The following IL1RAPL2 variants were observed in gnomAD, a reference collection of about 807,000 sequenced individuals.
IL1RAPL2 encodes X-linked interleukin-1 receptor accessory protein-like 2.
IL1RAPL2 carries 3 observed loss-of-function variants against 44.1 expected under a neutral mutation model. That is an observed-to-expected ratio of 0.07 (90% confidence interval 0.03 to 0.18). IL1RAPL2 has a LOEUF of 0.18. IL1RAPL2 is among the 10% of genes least tolerant of loss of function. The pLI is 1.00. For synonymous variants in IL1RAPL2, 181 were observed against 178.8 expected, an observed-to-expected ratio of 1.01 and a Z score of -0.10; for missense variants, 391 against 496.4, an observed-to-expected ratio of 0.79 and a Z score of 2.02.
At chrX:105,048,778 A>G (rs2031876637) in intron 2 of IL1RAPL2, among the ~76,000 whole-genome samples, 1 of 111,812 alleles carries the variant, frequency 8.9e-6, no homozygotes, top group Admixed American at 9.5e-5. Flanking sequence ...AACACCGTCA[A>G]CACTAGCAAC....
chrX:105,459,622 C>A (rs978041795), intron 5 of IL1RAPL2, among the ~76,000 whole-genome samples: 2 of 111,201 alleles, frequency 1.8e-5, no homozygotes, highest in Admixed American at 1.9e-4. Flanking sequence ...AGAGACAAAA[C>A]AGGTTGCTAT....
At chrX:105,062,330 T>A (rs1299656896) in intron 2 of IL1RAPL2, among the ~76,000 whole-genome samples, 1 of 112,098 alleles carries the variant, frequency 8.9e-6, no homozygotes, top group Non-Finnish European at 1.9e-5. Context: ...ACTCTACACC[T>A]TTTTTGTCCT....
At chrX:104,633,224 G>A (rs1929696830) in intron 1 of IL1RAPL2, among the ~76,000 whole-genome samples, 1 of 111,670 alleles carries the variant, frequency 9.0e-6, no homozygotes, top group African/African-American at 3.3e-5. Context: ...TTTTTGATAT[G>A]CTGCTGGATT....
chrX:105,489,795 C>T (rs1489027235), intron 6 of IL1RAPL2, among the ~76,000 whole-genome samples: 95 of 96,738 alleles, frequency 9.8e-4, no homozygotes, highest in Middle Eastern at 5.4e-3. Flanking sequence ...CTTTCTCTCT[C>T]TCTCTCTCTC....
chrX:104,634,771 C>A lies in IL1RAPL2; in HGVS notation c.-19-24124C>A, dbSNP rs1467823661. Among the ~76,000 whole-genome samples the A allele has an allele frequency of 5.4e-5, 6 of 111,439 alleles. 1 individual carries two copies. The South Asian group carries it at 1.1e-3, about 21-fold the overall frequency. ...ATGAGATGGATTTCCTAAATACAGC[C>A]CACTGATGGGTCTTGACTCTATCCA... is the stretch of plus-strand genomic sequence containing the variant. On this transcript the variant is annotated intron_variant, in intron 1 of 10. Coordinates refer to ENST00000372582, the MANE Select transcript of IL1RAPL2 (RefSeq NM_017416.2).
At chrX:105,411,305 G>A (rs930066867) in intron 5 of IL1RAPL2, among the ~76,000 whole-genome samples, 3 of 111,308 alleles carry the variant, frequency 2.7e-5, no homozygotes, top group Admixed American at 9.5e-5. Flanking sequence ...AAGTAAGTTC[G>A]TACCTATCAA....
intron 2 of IL1RAPL2, among the ~76,000 whole-genome samples, chrX:104,788,706 T>C (rs1322256398): frequency 3.6e-5 from 4 of 112,054 alleles, no homozygotes; most frequent in Non-Finnish European, 5.6e-5. Flanking sequence ...TGATTTTCCC[T>C]AGGCAGGTGA....
intron 6 of IL1RAPL2, among the ~76,000 whole-genome samples, chrX:105,702,461 G>A (rs986265492): frequency 1.3e-4 from 14 of 111,985 alleles, no homozygotes; most frequent in African/African-American, 4.5e-4. Context: ...CCTACACGAG[G>A]TAAAATAGAA....
chrX:104,572,035 T>C (rs1405640277), intron 1 of IL1RAPL2, among the ~76,000 whole-genome samples: 1 of 112,378 alleles, frequency 8.9e-6, no homozygotes, highest in African/African-American at 3.2e-5. Context: ...AGGAATCATC[T>C]AGATCATTGT....
chrX:105,606,263 A>G (rs1039656595), intron 6 of IL1RAPL2, among the ~76,000 whole-genome samples: 1 of 112,051 alleles, frequency 8.9e-6, no homozygotes, highest in Admixed American at 9.5e-5. Context: ...GACATTTCTC[A>G]AAAGAAGACA....
intron 2 of IL1RAPL2, among the ~76,000 whole-genome samples, chrX:104,949,334 A>G (rs756344046): frequency 7.2e-5 from 8 of 110,819 alleles, no homozygotes; most frequent in East Asian, 5.7e-4. Flanking sequence ...TCTTGCTAGC[A>G]GTCTATCTAT....
intron 6 of IL1RAPL2, among the ~76,000 whole-genome samples, chrX:105,660,775 CAG>C (rs1416212475): frequency 9.1e-6 from 1 of 109,555 alleles, no homozygotes; most frequent in Non-Finnish European, 1.9e-5. Context: ...CAACATAAAA[CAG>C]ATATATAAAA....
chrX:105,762,350 T>C (rs1194835941), intron 10 of IL1RAPL2, among the ~76,000 whole-genome samples: 1 of 111,875 alleles, frequency 8.9e-6, no homozygotes, highest in Non-Finnish European at 1.9e-5. Flanking sequence ...GGCATGATGT[T>C]TTTTTCATTT....
At chrX:104,724,473 T>A (rs1316938641) in intron 2 of IL1RAPL2, among the ~76,000 whole-genome samples, 1 of 111,136 alleles carries the variant, frequency 9.0e-6, no homozygotes, top group Non-Finnish European at 1.9e-5. Context: ...ATAAAAAAAT[T>A]AGCATGGTGG....
intron 5 of IL1RAPL2, among the ~76,000 whole-genome samples, chrX:105,318,620 G>A (rs1285733684): frequency 9.0e-6 from 1 of 111,248 alleles, no homozygotes; most frequent in Non-Finnish European, 1.9e-5. Flanking sequence ...AAAGGACTCT[G>A]ACTTGGTACA....
rs1231435722 is a variant in IL1RAPL2 at position 105,328,286 on chromosome X, G to GT, written c.697+60753dup. Among the ~76,000 whole-genome samples, 3 of 110,695 alleles carry GT rather than the reference G, an allele frequency of 2.7e-5. No individual in the cohort carries two copies. The Admixed American group carries it at 2.9e-4, about 11-fold the overall frequency. ...CATTAACATTTCAAAAATATTATCA[G>GT]TTTTTTTTGAAAGCCATGGGAGAAC... On this transcript the variant is annotated intron_variant, in intron 5 of 10. Coordinates refer to ENST00000372582, the MANE Select transcript of IL1RAPL2 (RefSeq NM_017416.2).
At chrX:105,073,760 C>G (rs143869976) in intron 2 of IL1RAPL2, among the ~76,000 whole-genome samples, 7,025 of 111,666 alleles carry the variant, frequency 0.063, 603 homozygotes, top group African/African-American at 0.22. Flanking sequence ...GATGGTATCT[C>G]ATTGTGGTTT....
chrX:105,591,687 CAGG>C (rs778249460), intron 6 of IL1RAPL2, among the ~76,000 whole-genome samples: 19 of 111,409 alleles, frequency 1.7e-4, no homozygotes, highest in Non-Finnish European at 3.2e-4. Flanking sequence ...AAAAGTCATT[CAGG>C]AGAAGGTTGT....
chrX:104,790,465 T>C (rs1280273620), intron 2 of IL1RAPL2, among the ~76,000 whole-genome samples: 3 of 111,694 alleles, frequency 2.7e-5, no homozygotes, highest in East Asian at 5.7e-4. Context: ...TTTGTTGCGA[T>C]AAGCAGAAGC....
Sources: allele counts gnomAD v4.1 joint callset (sites outside exome capture counted in the v4.1 genomes callset), GRCh38; gene constraint gnomAD v4.1.1; transcripts MANE v1.5; gene names NCBI Gene and HGNC (gene_info 2026-07-23, HGNC 2026-07-21).